C3orf20: variants seen among roughly 807,000 people sequenced by gnomAD.
The protein encoded by C3orf20 is uncharacterized protein C3orf20.
In C3orf20, 76 loss-of-function variants were observed where a neutral mutation model predicts 88.3. The ratio of observed to expected loss-of-function variants is 0.86; its 90% CI spans 0.72 to 1.04. The LOEUF (loss-of-function observed/expected upper bound fraction) is 1.04, where lower values mean the gene tolerates loss of function less well. Among genes scored for constraint, C3orf20 ranks in the 50% least tolerant of loss-of-function variants. The pLI is 0.00. For synonymous variants in C3orf20, 436 were observed against 437.4 expected (o/e 1.00, Z 0.04); for missense variants, 1,056 against 1,123.3 (o/e 0.94, Z 0.86).
chr3:14,693,671 A>G (rs988210582), intron 5 of C3orf20, among the ~76,000 whole-genome samples: 1 of 152,122 alleles, frequency 6.6e-6, no homozygotes, highest in Non-Finnish European at 1.5e-5. Context: ...TCCAATTTGG[A>G]TGCCCTTTAT....
intron 5 of C3orf20, among the ~76,000 whole-genome samples, chr3:14,691,770 G>T (rs190998738): frequency 5.3e-5 from 8 of 152,178 alleles, no homozygotes; most frequent in Admixed American, 2.0e-4. Flanking sequence ...CAATTCAATT[G>T]TACTCTTTTA....
Position 14,682,709 on chromosome 3 carries a change from C to T in C3orf20, c.-5C>T. 3 of 1,600,092 alleles carry T rather than the reference C, an allele frequency of 1.9e-6. No individual in the cohort carries two copies. The highest frequency in any genetic ancestry group is 2.6e-6 in the Non-Finnish European group (3 of 1,172,904). ...GAGCTCTCTTTATAGCTGAAGGTCC[C>T]TCTCATGAGTTACATCAAGAGTAAC... On this transcript the variant is annotated 5_prime_UTR_variant, in exon 3 of 17. Transcript: ENST00000253697.
intron 12 of C3orf20, among the ~76,000 whole-genome samples, chr3:14,751,795 A>G (rs1235183883): frequency 6.6e-6 from 1 of 152,228 alleles, no homozygotes; most frequent in Non-Finnish European, 1.5e-5. Flanking sequence ...GACCTCTTCA[A>G]GGAGGACTAC....
intron 15 of C3orf20, among the ~76,000 whole-genome samples, chr3:14,769,778 T>G (rs1373359160): frequency 6.6e-6 from 1 of 151,628 alleles, no homozygotes; most frequent in African/African-American, 2.4e-5. Flanking sequence ...TGGAAGAGGG[T>G]GAGGCTGGAG....
At chr3:14,758,289 C>T (rs1213582244) in intron 13 of C3orf20, among the ~76,000 whole-genome samples, 2 of 151,540 alleles carry the variant, frequency 1.3e-5, no homozygotes, top group Middle Eastern at 3.2e-3. Context: ...ATTAATGTTC[C>T]TAGAAGAGGC....
intron 4 of C3orf20, among the ~76,000 whole-genome samples, chr3:14,685,144 T>C (rs2032326270): frequency 6.6e-6 from 1 of 152,034 alleles, no homozygotes; most frequent in Admixed American, 6.5e-5. Flanking sequence ...ACATAATGAA[T>C]CACGAAAATG....
At chr3:14,753,684 G>A (rs1022350581) in intron 12 of C3orf20, among the ~76,000 whole-genome samples, 1 of 151,916 alleles carries the variant, frequency 6.6e-6, no homozygotes, top group Non-Finnish European at 1.5e-5. Context: ...TGGTAACCCT[G>A]GAAATCAAAT....
chr3:14,687,417 A>G (rs1321551551), intron 4 of C3orf20, among the ~76,000 whole-genome samples: 1 of 152,216 alleles, frequency 6.6e-6, no homozygotes, highest in Non-Finnish European at 1.5e-5. Context: ...TTTTAGGGGA[A>G]GTTACACTGT....
chr3:14,688,197 A>G (rs2032531831), intron 4 of C3orf20, among the ~76,000 whole-genome samples: 1 of 152,172 alleles, frequency 6.6e-6, no homozygotes, highest in Non-Finnish European at 1.5e-5. Flanking sequence ...TATGTGAGGT[A>G]GACCAAAGCT....
Position 14,721,721 on chromosome 3 carries a change from T to C in C3orf20, c.1503T>C (p.Asn501=), listed in dbSNP as rs943956564. 4.3e-6 allele frequency: 7 copies of C among 1,614,050 alleles called. No homozygotes were observed. Among genetic ancestry groups the C allele is most frequent in the Non-Finnish European group, 5.9e-6 (7 of 1,179,988 alleles). The part of the protein sequence containing the change: ...DSITVTFTSL[N]ETVTLTVSAN... The stretch of plus-strand genomic sequence containing the variant: ...TCACAGTCACCTTCACCTCCCTGAA[T>C]GAGACAGTAACACTCACTGTGTCGG... The change falls in exon 10 of 17, where the codon AAT becomes AAC. Residue 501 remains asparagine, a synonymous_variant. Transcript: ENST00000253697.
At chr3:14,683,335 T>C in intron 3 of C3orf20, 138 bp downstream of exon 3, 7 of 1,075,174 alleles carry the variant, frequency 6.5e-6, no homozygotes, top group Non-Finnish European at 9.1e-6. Flanking sequence ...CCTGGAATCA[T>C]CCTCTCACTC....
intron 5 of C3orf20, among the ~76,000 whole-genome samples, chr3:14,696,758 T>C (rs956352396): frequency 1.3e-5 from 2 of 151,914 alleles, no homozygotes; most frequent in African/African-American, 4.8e-5. Context: ...GTAACAGTGT[T>C]GTAATATTCT....
chr3:14,691,167 A>T (rs1321911703), intron 5 of C3orf20, among the ~76,000 whole-genome samples: 2 of 152,260 alleles, frequency 1.3e-5, no homozygotes, highest in Non-Finnish European at 2.9e-5. Context: ...CCTTGCTTAA[A>T]GGAGCTGACC....
At chr3:14,748,121 T>G (rs574117534) in intron 12 of C3orf20, among the ~76,000 whole-genome samples, 18 of 151,986 alleles carry the variant, frequency 1.2e-4, no homozygotes, top group East Asian at 7.7e-4. Context: ...TCTTGGGGGG[T>G]TTTTGATTAC....
intron 7 of C3orf20, among the ~76,000 whole-genome samples, chr3:14,705,949 C>T (rs1315246049): frequency 6.6e-6 from 1 of 152,126 alleles, no homozygotes; most frequent in South Asian, 2.1e-4. Flanking sequence ...ATTTTTATAC[C>T]TTTAAGGATT....
chr3:14,684,095 C>T (rs546345607), intron 3 of C3orf20, 147 bp from the exon 4 acceptor site: 2 of 1,074,560 alleles, frequency 1.9e-6, no homozygotes, highest in Non-Finnish European at 1.3e-6. Context: ...GCTTGAGAGC[C>T]TTTCACAGTA....
intron 8 of C3orf20, 82 bp from the exon 9 acceptor site, chr3:14,715,207 G>GTCT: frequency 6.5e-7 from 1 of 1,540,352 alleles, no homozygotes; most frequent in Non-Finnish European, 8.8e-7. Flanking sequence ...GAGTCTTACA[G>GTCT]ACCTGTCTGC....
intron 5 of C3orf20, among the ~76,000 whole-genome samples, chr3:14,699,914 C>T (rs1464961116): frequency 3.6e-5 from 4 of 110,924 alleles, no homozygotes; most frequent in African/African-American, 1.3e-4. Flanking sequence ...CTTGCCAAAA[C>T]ACAGGATGCA....
intron 12 of C3orf20, among the ~76,000 whole-genome samples, chr3:14,756,618 C>A (rs1023095397): frequency 2.0e-5 from 3 of 152,024 alleles, no homozygotes; most frequent in African/African-American, 7.2e-5. Flanking sequence ...TTGGACAGAG[C>A]CTTGTGAGAG....
Sources: allele counts gnomAD v4.1 joint callset (sites outside exome capture counted in the v4.1 genomes callset), GRCh38; gene constraint gnomAD v4.1.1; transcripts MANE v1.5; gene names NCBI Gene and HGNC (gene_info 2026-07-23, HGNC 2026-07-21).